The following DYSF variants were observed in gnomAD, a reference collection of about 807,000 sequenced individuals.
DYSF encodes the protein dystrophy-associated fer-1-like 1.
Under a neutral mutation model 274.9 loss-of-function variants are expected in DYSF, and 212 were observed. That is an observed-to-expected ratio of 0.77 (90% CI 0.69 to 0.86). DYSF has a LOEUF of 0.86. DYSF is among the 40% of genes least tolerant of loss of function. DYSF has a pLI of 0.00. For synonymous variants in DYSF, 1,091 were observed against 1,078.7 expected (o/e 1.01, Z -0.22); for missense variants, 2,666 against 2,783.2 (o/e 0.96, Z 0.95).
chr2:71,577,305 AACAC>A (rs914096665), intron 30 of DYSF, among the ~76,000 whole-genome samples: 2 of 150,298 alleles, frequency 1.3e-5, no homozygotes, highest in African/African-American at 2.5e-5. Context: ...CTGTTACACG[AACAC>A]ACACACCAAC....
rs1279740911 is a variant in DYSF, at chr2:71,653,817, AT to A, written c.4627-2344del. Reference sequence around the variant, plus strand: ...CTAAAACTTAAAGTATAATAAAAAAATAAAATTAAAAAATAATAATAATAAA... The same window carrying A: ...CTAAAACTTAAAGTATAATAAAAAAAAAAATTAAAAAATAATAATAATAAA... On this transcript the variant is annotated intron_variant, in intron 42 of 55. Transcript: ENST00000410020. Among the ~76,000 whole-genome samples, 4 of 152,016 alleles carry A rather than the reference AT, an allele frequency of 2.6e-5. No homozygotes were observed. In the East Asian group the frequency reaches 5.8e-4, roughly 22 times the overall value.
At chr2:71,524,684 C>T (rs1204770644) in intron 12 of DYSF, among the ~76,000 whole-genome samples, 2 of 152,216 alleles carry the variant, frequency 1.3e-5, no homozygotes, top group Non-Finnish European at 2.9e-5. Flanking sequence ...GAGCAGCCAC[C>T]AGATCTTTTG....
intron 40 of DYSF, among the ~76,000 whole-genome samples, chr2:71,617,144 G>A (rs879801672): frequency 6.6e-6 from 1 of 152,172 alleles, no homozygotes; most frequent in Non-Finnish European, 1.5e-5. Context: ...CATTCCGAGA[G>A]AGCACTCCTA....
chr2:71,555,551 C>G (rs888826809), intron 21 of DYSF, among the ~76,000 whole-genome samples: 12 of 152,138 alleles, frequency 7.9e-5, no homozygotes, highest in African/African-American at 2.9e-4. Flanking sequence ...CGCTCTTAGT[C>G]TGAGCCTCAT....
At chr2:71,585,681 G>T (rs2093042222) in intron 30 of DYSF, among the ~76,000 whole-genome samples, 1 of 152,166 alleles carries the variant, frequency 6.6e-6, no homozygotes, top group Admixed American at 6.5e-5. Context: ...CCTGAGGCAG[G>T]TGCCCATTGT....
intron 36 of DYSF, among the ~76,000 whole-genome samples, chr2:71,605,934 GCCTGCCTGGCTGCCC>G (rs1174577058): frequency 2.6e-5 from 4 of 152,272 alleles, no homozygotes; most frequent in African/African-American, 9.6e-5. Flanking sequence ...AGCCCTCCCA[GCCTGCCTGGCTGCCC>G]CCTGCCTGGA....
intron 36 of DYSF, among the ~76,000 whole-genome samples, chr2:71,607,667 T>C (rs1338627002): frequency 6.6e-6 from 1 of 151,908 alleles, no homozygotes; most frequent in Non-Finnish European, 1.5e-5. Context: ...GCGTGAGAGA[T>C]GTTCAGGAGA....
At chr2:71,491,270 T>C (rs1053144452) in intron 3 of DYSF, among the ~76,000 whole-genome samples, 6 of 152,246 alleles carry the variant, frequency 3.9e-5, no homozygotes, top group Non-Finnish European at 8.8e-5. Flanking sequence ...TAATTACATA[T>C]ATTTGGAATA....
intron 17 of DYSF, among the ~76,000 whole-genome samples, chr2:71,546,741 G>A (rs1401048185): frequency 6.6e-6 from 1 of 152,240 alleles, no homozygotes; most frequent in Non-Finnish European, 1.5e-5. Context: ...TTTTGTCTCT[G>A]GAATGTAGAT....
At chr2:71,604,983 A>T (rs968206334) in intron 36 of DYSF, among the ~76,000 whole-genome samples, 2 of 152,168 alleles carry the variant, frequency 1.3e-5, no homozygotes, top group East Asian at 3.9e-4. Context: ...CTTTATGCCC[A>T]TCTGGGACAC....
chr2:71,572,066 C>A, intron 29 of DYSF, among the ~76,000 whole-genome samples: 1 of 143,438 alleles, frequency 7.0e-6, no homozygotes, highest in Non-Finnish European at 1.5e-5. Flanking sequence ...AGCACACACA[C>A]AGATCACACC....
chr2:71,513,926 T>C lies in DYSF; in HGVS notation c.759+5T>C. 1.2e-6 allele frequency: 2 copies of C among 1,614,166 alleles called. No homozygotes were observed. The highest frequency in any genetic ancestry group is 1.7e-6 in the Non-Finnish European group (2 of 1,180,014). On this transcript the variant is annotated splice_donor_5th_base_variant and intron_variant, in intron 7 of 55. Transcript: ENST00000410020. ...GACAAACCGCAGGATTTCCAGGTGA[T>C]GAACGGGCTTTCTCTGACCCCAGGC... is the stretch of plus-strand genomic sequence containing the variant.
At position 71,549,377 on chromosome 2, in the gene DYSF, C is replaced by T. The variant is rs144931729; in HGVS notation, c.1577-1664C>T. Reference sequence around the variant, plus strand: ...GAGCCTGCAGGTGCTGTCAAGCCTTCGAAAGCCTCAGACTGTACGTTGCTG... The same window carrying T: ...GAGCCTGCAGGTGCTGTCAAGCCTTTGAAAGCCTCAGACTGTACGTTGCTG... On this transcript the variant is annotated intron_variant, in intron 17 of 55. Coordinates refer to ENST00000410020, the MANE Select transcript of DYSF (RefSeq NM_001130987.2). The T allele has an allele frequency of 4.6e-5, 74 of 1,612,536 alleles. No homozygotes were observed. The African/African-American group carries it at 4.8e-4, about 10-fold the overall frequency.
At chr2:71,532,215 CT>C (rs1559093851) in intron 14 of DYSF, among the ~76,000 whole-genome samples, 1 of 152,174 alleles carries the variant, frequency 6.6e-6, no homozygotes, top group African/African-American at 2.4e-5. Flanking sequence ...AAATTTTCCT[CT>C]TTTATAAACA....
At chr2:71,624,285 A>G (rs144863103) in intron 41 of DYSF, among the ~76,000 whole-genome samples, 1 of 152,238 alleles carries the variant, frequency 6.6e-6, no homozygotes, top group African/African-American at 2.4e-5. Flanking sequence ...GATTGTTGGC[A>G]GACAGGACAG....
At chr2:71,509,769 T>G (rs1186938171) in intron 4 of DYSF, among the ~76,000 whole-genome samples, 2 of 152,116 alleles carry the variant, frequency 1.3e-5, no homozygotes, top group African/African-American at 2.4e-5. Flanking sequence ...TTTTTATTAT[T>G]TATTTATTAT....
intron 51 of DYSF, among the ~76,000 whole-genome samples, chr2:71,670,894 C>T (rs1435526801): frequency 6.6e-6 from 1 of 152,140 alleles, no homozygotes; most frequent in African/African-American, 2.4e-5. Flanking sequence ...CCCTGAGGTG[C>T]TCTCCAACTC....
chr2:71,552,191 T>G (rs2090997943), intron 19 of DYSF, among the ~76,000 whole-genome samples: 1 of 152,130 alleles, frequency 6.6e-6, no homozygotes, highest in African/African-American at 2.4e-5. Context: ...AGCTGGGCCT[T>G]GTGTCCAGGA....
At chr2:71,526,421 C>CCTTGGGGGGGTTGGGG in intron 13 of DYSF, 75 bp downstream of exon 13, 1 of 272,074 alleles carries the variant, frequency 3.7e-6, no homozygotes, top group Non-Finnish European at 6.7e-6. Flanking sequence ...TGGGCGATGG[C>CCTTGGGGGGGTTGGGG]GGGCGGGGTC....
Sources: gnomAD v4.1 joint callset for allele counts (sites outside exome capture counted in the v4.1 genomes callset) on GRCh38, gnomAD v4.1.1 for gene constraint, MANE v1.5 for transcripts, NCBI Gene and HGNC (gene_info 2026-07-23, HGNC 2026-07-21) for gene names.